The following HPSE2 variants were observed in gnomAD, a reference collection of about 807,000 sequenced individuals.
HPSE2 encodes heparanase 2 (inactive).
Under a neutral mutation model 60.5 loss-of-function variants are expected in HPSE2, and 38 were observed. That is an observed-to-expected ratio of 0.63 (90% CI 0.48 to 0.82). The LOEUF (loss-of-function observed/expected upper bound fraction) is 0.82, where lower values mean the gene tolerates loss of function less well. HPSE2 is among the 40% of genes least tolerant of loss of function. HPSE2 has a pLI of 0.00. For synonymous variants in HPSE2, 295 were observed against 293.2 expected, an observed-to-expected ratio of 1.01 and a Z score of -0.06; for missense variants, 713 against 740.4, an observed-to-expected ratio of 0.96 and a Z score of 0.43.
intron 5 of HPSE2, among the ~76,000 whole-genome samples, chr10:98,699,606 A>C (rs940504041): frequency 8.0e-6 from 1 of 124,418 alleles, no homozygotes; most frequent in African/African-American, 2.7e-5. Flanking sequence ...CTCTCTCACC[A>C]CTCCTATTCA....
intron 9 of HPSE2, among the ~76,000 whole-genome samples, chr10:98,554,411 T>A (rs188353168): frequency 6.6e-6 from 1 of 152,326 alleles, no homozygotes; most frequent in Admixed American, 6.5e-5. Context: ...AAAATAACTG[T>A]CTGTTTCTCT....
At chr10:99,281,577 C>A in the HPSE2 span, among the ~76,000 whole-genome samples, 130,149 of 152,078 alleles carry the variant, frequency 0.86, 56,055 homozygotes, top group African/African-American at 0.92. Context: ...GAATTATTAT[C>A]TATTTTCTGA....
intron 4 of HPSE2, among the ~76,000 whole-genome samples, chr10:98,741,482 T>C (rs35454473): frequency 0.14 from 20,780 of 152,040 alleles, 1,869 homozygotes; most frequent in Admixed American, 0.22. Context: ...AAGTTCTTAC[T>C]TGTCTGGAAC....
intron 4 of HPSE2, among the ~76,000 whole-genome samples, chr10:98,741,234 GT>G (rs946129136): frequency 6.6e-6 from 1 of 151,640 alleles, no homozygotes; most frequent in African/African-American, 2.4e-5. Context: ...ACTTTATTGA[GT>G]TTTTTTTGTT....
At chr10:98,746,597 G>C (rs1393435834) in intron 3 of HPSE2, among the ~76,000 whole-genome samples, 17 of 151,862 alleles carry the variant, frequency 1.1e-4, no homozygotes, top group Admixed American at 1.1e-3. Flanking sequence ...TTATGAAAAG[G>C]AAATGATGAA....
the HPSE2 span, among the ~76,000 whole-genome samples, chr10:99,253,634 G>T: frequency 2.6e-5 from 4 of 152,098 alleles, no homozygotes; most frequent in Non-Finnish European, 5.9e-5. Context: ...AATGGCTTCT[G>T]CACAGCAAAA....
intron 1 of HPSE2, among the ~76,000 whole-genome samples, chr10:99,233,289 ACATCCTC>A (rs1849728646): frequency 6.6e-6 from 1 of 152,046 alleles, no homozygotes; most frequent in South Asian, 2.1e-4. Context: ...AGGAAAGGTA[ACATCCTC>A]CTCCCCACCC....
chr10:98,861,670 T>G (rs567748652), intron 3 of HPSE2, among the ~76,000 whole-genome samples: 1 of 152,294 alleles, frequency 6.6e-6, no homozygotes, highest in South Asian at 2.1e-4. Context: ...GTGTAATAAA[T>G]TTTGATAGAT....
chr10:99,174,478 G>A (rs1847444926), intron 2 of HPSE2, among the ~76,000 whole-genome samples: 1 of 152,176 alleles, frequency 6.6e-6, no homozygotes, highest in Non-Finnish European at 1.5e-5. Context: ...TCCCTGTTAT[G>A]GTGATGACCA....
the HPSE2 span, among the ~76,000 whole-genome samples, chr10:99,243,908 C>A: frequency 3.3e-5 from 5 of 152,108 alleles, no homozygotes; most frequent in African/African-American, 1.2e-4. Context: ...TGCACTCCAG[C>A]TTGGGCAACA....
At chr10:98,491,246 CT>C (rs1275444714) in intron 9 of HPSE2, among the ~76,000 whole-genome samples, 1 of 151,504 alleles carries the variant, frequency 6.6e-6, no homozygotes, top group African/African-American at 2.4e-5. Context: ...ATAATATCAG[CT>C]GCTTAAAAAT....
chr10:99,169,065 C>A (rs556177230), intron 2 of HPSE2, among the ~76,000 whole-genome samples: 5 of 151,630 alleles, frequency 3.3e-5, no homozygotes, highest in South Asian at 2.1e-4. Context: ...TGGTGGTGGG[C>A]GCCTGTAGTC....
chr10:99,239,835 A>G (rs749780079), upstream of HPSE2, among the ~76,000 whole-genome samples: 6 of 152,128 alleles, frequency 3.9e-5, no homozygotes, highest in African/African-American at 9.7e-5. Context: ...CATCTGAACA[A>G]AAGCTAAAAT....
intron 9 of HPSE2, among the ~76,000 whole-genome samples, chr10:98,579,452 T>C (rs552335503): frequency 4.0e-4 from 61 of 152,286 alleles, no homozygotes; most frequent in Non-Finnish European, 6.0e-4. Flanking sequence ...TCCATTACTG[T>C]GGTAAGCAAG....
intron 3 of HPSE2, among the ~76,000 whole-genome samples, chr10:98,806,974 T>G (rs1589858343): frequency 6.6e-6 from 1 of 152,140 alleles, no homozygotes; most frequent in Non-Finnish European, 1.5e-5. Flanking sequence ...AAACCCCATC[T>G]CTACTAAAAA....
At chr10:99,154,864 C>A (rs1417676578) in intron 2 of HPSE2, among the ~76,000 whole-genome samples, 1 of 152,022 alleles carries the variant, frequency 6.6e-6, no homozygotes, top group African/African-American at 2.4e-5. Context: ...ACCCAACTCA[C>A]GTGCAGAGAC....
Position 98,809,429 on chromosome 10 carries a change from A to G in HPSE2, c.611-65373T>C, listed in dbSNP as rs140019332. On this transcript the variant is annotated intron_variant, in intron 3 of 11. Transcript: ENST00000370552. ...GATTGATCAATCTGTACTCACAGAA[A>G]TAGGGCTATGATATATTATTAAGTG... Among the ~76,000 whole-genome samples, 235 of 152,272 alleles carry G rather than the reference A, an allele frequency of 1.5e-3. 2 individuals are homozygous for G. Among genetic ancestry groups the G allele is most frequent in the African/African-American group, 5.3e-3 (219 of 41,586 alleles).
intron 3 of HPSE2, among the ~76,000 whole-genome samples, chr10:98,876,128 A>T (rs1310284416): frequency 6.6e-6 from 1 of 151,842 alleles, no homozygotes; most frequent in African/African-American, 2.4e-5. Context: ...GCACTAGAAA[A>T]TATTCAATAA....
intron 4 of HPSE2, among the ~76,000 whole-genome samples, chr10:98,740,576 C>T (rs374331047): frequency 1.2e-4 from 19 of 152,278 alleles, no homozygotes; most frequent in African/African-American, 4.3e-4. Flanking sequence ...CCACACTATT[C>T]ACTGCTTTCA....
Sources: gnomAD v4.1 joint callset for allele counts (sites outside exome capture counted in the v4.1 genomes callset) on GRCh38, gnomAD v4.1.1 for gene constraint, MANE v1.5 for transcripts, NCBI Gene and HGNC (gene_info 2026-07-23, HGNC 2026-07-21) for gene names.